HECW1: variants seen among roughly 807,000 people sequenced by gnomAD.
HECW1 encodes the protein HECT, C2 and WW domain containing E3 ubiquitin protein ligase 1.
Under a neutral mutation model 182.3 loss-of-function variants are expected in HECW1, and 61 were observed. The ratio of observed to expected loss-of-function variants is 0.33; its 90% CI spans 0.27 to 0.41. HECW1 has a LOEUF of 0.41. Ranked by LOEUF, HECW1 falls within the 10% of genes least tolerant of loss-of-function variation. The pLI is 1.00. For synonymous variants in HECW1, 859 were observed against 832.6 expected (o/e 1.03, Z -0.55); for missense variants, 1,739 against 2,108.9 (o/e 0.82, Z 3.44).
intron 3 of HECW1, among the ~76,000 whole-genome samples, chr7:43,265,380 C>T (rs1801663446): frequency 1.3e-5 from 2 of 152,140 alleles, no homozygotes; most frequent in African/African-American, 4.8e-5. Flanking sequence ...TGTCATCCTG[C>T]CTTGTGCTGG....
chr7:43,443,291 G>C (rs992067830), intron 10 of HECW1, among the ~76,000 whole-genome samples: 1 of 152,176 alleles, frequency 6.6e-6, no homozygotes, highest in South Asian at 2.1e-4. Context: ...GTCTAATGAA[G>C]CTCTTGAGAA....
intron 3 of HECW1, among the ~76,000 whole-genome samples, chr7:43,254,595 G>A (rs571034738): frequency 6.6e-6 from 1 of 152,260 alleles, no homozygotes; most frequent in African/African-American, 2.4e-5. Flanking sequence ...CACCATACTA[G>A]CAGGAACCTC....
chr7:43,159,807 G>C (rs1790332426), intron 2 of HECW1, among the ~76,000 whole-genome samples: 1 of 149,796 alleles, frequency 6.7e-6, no homozygotes, highest in East Asian at 2.0e-4. Flanking sequence ...AGCCTCCCAA[G>C]TAGCTGGGAC....
chr7:43,153,738 A>G (rs953038057), intron 2 of HECW1, among the ~76,000 whole-genome samples: 6 of 152,150 alleles, frequency 3.9e-5, no homozygotes, highest in South Asian at 2.1e-4. Flanking sequence ...GGAATTTTTT[A>G]TATATATTGT....
chr7:43,495,449 G>C (rs1424574074), intron 19 of HECW1, among the ~76,000 whole-genome samples: 1 of 152,038 alleles, frequency 6.6e-6, no homozygotes, highest in Non-Finnish European at 1.5e-5. Flanking sequence ...TGCTTTTTGT[G>C]CCTCGAAGAT....
intron 17 of HECW1, among the ~76,000 whole-genome samples, chr7:43,489,706 G>A (rs552746561): frequency 3.9e-5 from 6 of 152,246 alleles, no homozygotes; most frequent in Admixed American, 3.9e-4. Context: ...ACCACACACA[G>A]AGAGTGAACT....
At chr7:43,288,882 C>T (rs1035097970) in intron 3 of HECW1, among the ~76,000 whole-genome samples, 1 of 152,178 alleles carries the variant, frequency 6.6e-6, no homozygotes, top group Non-Finnish European at 1.5e-5. Flanking sequence ...GCTCCCCAGA[C>T]CTGGCCCCAG....
chr7:43,167,646 G>A (rs1013742885), intron 2 of HECW1, among the ~76,000 whole-genome samples: 6 of 152,134 alleles, frequency 3.9e-5, no homozygotes, highest in African/African-American at 1.4e-4. Flanking sequence ...GGAGGAAAGG[G>A]TAAAAAAGAA....
chr7:43,393,186 G>C (rs964539021), intron 6 of HECW1, among the ~76,000 whole-genome samples: 20 of 152,222 alleles, frequency 1.3e-4, no homozygotes, highest in African/African-American at 4.1e-4. Context: ...ACAGAGAGAG[G>C]GGGGGCAACA....
chr7:43,197,157 GA>G (rs999196249), intron 2 of HECW1, among the ~76,000 whole-genome samples: 4 of 151,746 alleles, frequency 2.6e-5, no homozygotes, highest in Admixed American at 2.6e-4. Context: ...AGAATTTATA[GA>G]AAAAAATAGT....
intron 2 of HECW1, among the ~76,000 whole-genome samples, chr7:43,202,898 C>T (rs1006110543): frequency 6.6e-6 from 1 of 152,054 alleles, no homozygotes; most frequent in Non-Finnish European, 1.5e-5. Context: ...ACCTTGTGAC[C>T]CCCACCCCTG....
chr7:43,463,515 T>G, intron 13 of HECW1, 145 bp from the exon 14 acceptor site: 3 of 703,512 alleles, frequency 4.3e-6, no homozygotes, highest in Non-Finnish European at 6.9e-6. Flanking sequence ...CTAATTGTTC[T>G]GGCTATCTTG....
intron 2 of HECW1, among the ~76,000 whole-genome samples, chr7:43,237,992 G>A (rs1324780095): frequency 6.6e-6 from 1 of 152,132 alleles, no homozygotes; most frequent in African/African-American, 2.4e-5. Context: ...GCATAATTCT[G>A]CCCCATCATA....
intron 2 of HECW1, among the ~76,000 whole-genome samples, chr7:43,167,847 C>G (rs1201934501): frequency 6.6e-6 from 1 of 152,082 alleles, no homozygotes; most frequent in Non-Finnish European, 1.5e-5. Context: ...TAACACACAC[C>G]CTGTTTTAAA....
Position 43,112,855 on chromosome 7 carries a change from C to T in HECW1, c.-349C>T, listed in dbSNP as rs896316564. The T allele has an allele frequency of 4.4e-6, 1 of 226,532 alleles. No homozygotes were observed. The highest frequency in any genetic ancestry group is 5.7e-5 in the Admixed American group (1 of 17,554). The allele number at this position is 226,532 out of a possible 1,614,324, so 14.0% of individuals were successfully genotyped here. ...CCCAGCCAGTCCCAGGCGCCCGGTG[C>T]ACTATGCGGGGCACGTGCGCCCCCC... On this transcript the variant is annotated 5_prime_UTR_variant, in exon 1 of 30. Transcript: ENST00000395891.
At position 43,311,858 on chromosome 7, in the gene HECW1, C is replaced by T; in HGVS notation, c.123C>T (p.Tyr41=). Residue 41 remains tyrosine, a synonymous_variant, in exon 4 of 30, where the codon TAC becomes TAT. Coordinates refer to ENST00000395891, the MANE Select transcript of HECW1 (RefSeq NM_015052.5). ...GCCGGTGCAAGGAGCCGCTCCGATA[C>T]AGCTACAACCCCGACCAGTTCCACA... ...SRRRCKEPLR[Y]SYNPDQFHNM... 6.2e-7 allele frequency: 1 copy of T among 1,614,238 alleles called. No individual in the cohort carries two copies. The highest frequency in any genetic ancestry group is 8.5e-7 in the Non-Finnish European group (1 of 1,180,034).
chr7:43,176,745 C>A (rs898698585), intron 2 of HECW1, among the ~76,000 whole-genome samples: 39 of 152,230 alleles, frequency 2.6e-4, no homozygotes, highest in African/African-American at 9.2e-4. Context: ...CTCAACACTG[C>A]TGCATGGCGG....
chr7:43,452,163 T>C (rs547115110), intron 12 of HECW1, among the ~76,000 whole-genome samples: 1 of 152,356 alleles, frequency 6.6e-6, no homozygotes, highest in South Asian at 2.1e-4. Context: ...ATGGACATTC[T>C]ATAAATGAAG....
At chr7:43,370,147 G>A (rs1042404168) in intron 6 of HECW1, among the ~76,000 whole-genome samples, 9 of 152,274 alleles carry the variant, frequency 5.9e-5, no homozygotes, top group African/African-American at 1.2e-4. Context: ...AAGAACTCAC[G>A]AAAGTCAACA....
Sources: gnomAD v4.1 joint callset for allele counts (sites outside exome capture counted in the v4.1 genomes callset) on GRCh38, gnomAD v4.1.1 for gene constraint, MANE v1.5 for transcripts, NCBI Gene and HGNC (gene_info 2026-07-23, HGNC 2026-07-21) for gene names.